The following CLCN4 variants were observed in gnomAD, a reference collection of about 807,000 sequenced individuals.
The protein encoded by CLCN4 is Cl-/H+ antiporter 4.
A neutral mutation model predicts 41.7 loss-of-function variants in CLCN4; 1 was observed. That is an observed-to-expected ratio of 0.02 (90% CI 0.01 to 0.11). The LOEUF (loss-of-function observed/expected upper bound fraction) is 0.11. CLCN4 is among the 10% of genes least tolerant of loss of function. The probability of loss-of-function intolerance (pLI) is 1.00; values close to 1 mark genes in which losing one functional copy is unlikely to be tolerated. For synonymous variants in CLCN4, 277 were observed against 285.8 expected, an observed-to-expected ratio of 0.97 and a Z score of 0.31; for missense variants, 287 against 661.0, an observed-to-expected ratio of 0.43 and a Z score of 6.20.
chrX:10,221,225 C>T (rs984908131), intron 12 of CLCN4, among the ~76,000 whole-genome samples: 5 of 111,531 alleles, frequency 4.5e-5, no homozygotes, highest in African/African-American at 3.3e-5. Flanking sequence ...GTGATGTATG[C>T]GGTCCTCAAA....
chrX:10,194,816 CA>C, intron 4 of CLCN4, 94 bp from the exon 5 acceptor site: 1 of 830,477 alleles, frequency 1.2e-6, no homozygotes, highest in Non-Finnish European at 1.8e-6. Context: ...TCTGGGCCAT[CA>C]TTGCTGATGT....
At chrX:10,174,627 C>T (rs1292423242) in intron 2 of CLCN4, among the ~76,000 whole-genome samples, 1 of 112,002 alleles carries the variant, frequency 8.9e-6, no homozygotes, top group East Asian at 2.8e-4. Flanking sequence ...TGGCAACCTG[C>T]GGAGCCCAGT....
intron 2 of CLCN4, among the ~76,000 whole-genome samples, chrX:10,163,326 A>G (rs992087228): frequency 9.0e-6 from 1 of 110,718 alleles, no homozygotes; most frequent in Non-Finnish European, 1.9e-5. Context: ...CCTTTGTTTA[A>G]CCACATTTTC....
At chrX:10,171,768 C>A (rs933765505) in intron 2 of CLCN4, among the ~76,000 whole-genome samples, 5 of 111,801 alleles carry the variant, frequency 4.5e-5, no homozygotes, top group Admixed American at 3.8e-4. Context: ...GCACGTGCTT[C>A]CAAGAGTCCT....
intron 2 of CLCN4, among the ~76,000 whole-genome samples, chrX:10,169,010 G>T (rs1446258567): frequency 9.0e-5 from 10 of 110,698 alleles, no homozygotes; most frequent in Non-Finnish European, 1.9e-4. Context: ...TTCTGTCACT[G>T]CTTTTAAGAG....
intron 12 of CLCN4, 46 bp downstream of exon 12, chrX:10,220,923 T>C: frequency 9.4e-7 from 1 of 1,064,432 alleles, no homozygotes; most frequent in South Asian, 1.9e-5. Context: ...GAGAAAAAGA[T>C]GAGTGAGACA....
intron 5 of CLCN4, 48 bp downstream of exon 5, chrX:10,195,146 C>T (rs746684587): frequency 4.6e-5 from 51 of 1,102,366 alleles, no homozygotes; most frequent in Middle Eastern, 5.1e-4. Context: ...CCGTTCCATG[C>T]GTGCTTGGGA....
chrX:10,169,048 C>T lies in CLCN4; in HGVS notation c.-12+10497C>T, dbSNP rs1387113038. On this transcript the variant is annotated intron_variant, in intron 2 of 12. Transcript: ENST00000380833. ...CTTCTTTTTCACTTGTTTAACAGTT[C>T]GATTATGCTATGCCTTGGTGTAGTT... Among the ~76,000 whole-genome samples, 10 of 110,596 alleles carry T rather than the reference C, an allele frequency of 9.0e-5. No individual in the cohort carries two copies. In the Admixed American group the frequency reaches 9.7e-4, roughly 11 times the overall value.
chrX:10,161,961 G>A (rs1320521824), intron 2 of CLCN4, among the ~76,000 whole-genome samples: 5 of 108,915 alleles, frequency 4.6e-5, no homozygotes, highest in African/African-American at 1.7e-4. Context: ...ACCCGCTGAC[G>A]GTGTGAGGGT....
intron 6 of CLCN4, among the ~76,000 whole-genome samples, chrX:10,200,283 A>G (rs893990990): frequency 1.8e-5 from 2 of 112,513 alleles, no homozygotes; most frequent in African/African-American, 6.5e-5. Context: ...TTGGCCTCCC[A>G]AAGTGCTAGG....
chrX:10,230,226 A>G (rs908753761), intron 12 of CLCN4, among the ~76,000 whole-genome samples: 1 of 111,027 alleles, frequency 9.0e-6, no homozygotes, highest in Non-Finnish European at 1.9e-5. Flanking sequence ...CACTTTGTTG[A>G]TTGGGAAACC....
intron 12 of CLCN4, among the ~76,000 whole-genome samples, chrX:10,223,618 A>G (rs967011754): frequency 3.6e-5 from 4 of 111,477 alleles, no homozygotes; most frequent in African/African-American, 1.3e-4. Context: ...CACGAGCCTG[A>G]GCTCCACCGC....
chrX:10,189,079 T>G (rs150034706), intron 4 of CLCN4, among the ~76,000 whole-genome samples: 1 of 112,341 alleles, frequency 8.9e-6, no homozygotes, highest in Non-Finnish European at 1.9e-5. Context: ...CGACCAATTT[T>G]GCTTGACTGC....
chrX:10,180,791 AAAAG>A (rs1192032081), intron 2 of CLCN4, among the ~76,000 whole-genome samples: 113 of 102,313 alleles, frequency 1.1e-3, no homozygotes, highest in Admixed American at 3.2e-3. Context: ...AAAAAAAAAA[AAAAG>A]AAAGAAAGAA....
In CLCN4 at chrX:10,206,465, T is replaced by C. The variant is rs145024580; in HGVS notation, c.663T>C (p.Leu221=). The C allele has an allele frequency of 4.9e-5, 59 of 1,208,912 alleles. 1 individual carries two copies. Among genetic ancestry groups the C allele is most frequent in the Non-Finnish European group, 6.6e-5 (59 of 894,732 alleles). The change falls in exon 7 of 13, where the codon CTT becomes CTC. Residue 221 remains leucine (L), a synonymous_variant. Coordinates refer to ENST00000380833, the MANE Select transcript of CLCN4 (RefSeq NM_001830.4). The stretch of plus-strand genomic sequence containing the variant: ...TGGTAGTGTCCTCCGGTCTGAGCCT[T>C]GGGAAGGAAGGGCCGCTAGTGCACG... ...LVLVVSSGLS[L]GKEGPLVHVA... is the part of the protein sequence containing the mutation.
chrX:10,203,806 C>T (rs966357324), intron 6 of CLCN4, among the ~76,000 whole-genome samples: 1 of 111,688 alleles, frequency 9.0e-6, no homozygotes, highest in South Asian at 3.8e-4. Flanking sequence ...ATGAGTGCCA[C>T]GGTTGAGAAC....
At chrX:10,216,897 GTATATATATA>G (rs1555977625) in intron 11 of CLCN4, among the ~76,000 whole-genome samples, 6 of 20,826 alleles carry the variant, frequency 2.9e-4, no homozygotes, top group African/African-American at 9.8e-4. Context: ...GTGTGTGTGT[GTATATATATA>G]TATATATATA....
In CLCN4 at chrX:10,208,189, G is replaced by A. The variant is rs370623253; in HGVS notation, c.988G>A (p.Ala330Thr). ...YVEYHTPWYM[A>T]ELFPFILLGV... ...GGAATACCACACGCCCTGGTACATG[G>A]CTGAACTCTTCCCCTTCATCCTGCT... Residue 330 changes from alanine to threonine, a missense_variant, in exon 9 of 13, where the codon GCT becomes ACT. Ala to Thr is a moderately conservative substitution (Grantham distance 58, BLOSUM62 0). Coordinates refer to ENST00000380833, the MANE Select transcript of CLCN4 (RefSeq NM_001830.4). 5.0e-6 allele frequency: 6 copies of A among 1,209,269 alleles called. No homozygotes were observed. Among genetic ancestry groups the A allele is most frequent in the Non-Finnish European group, 6.7e-6 (6 of 895,146 alleles).
At chrX:10,218,798 A>G (rs1481109787) in intron 11 of CLCN4, among the ~76,000 whole-genome samples, 1 of 112,649 alleles carries the variant, frequency 8.9e-6, no homozygotes. Context: ...CTGTGGGAAC[A>G]GCAAGGTGCA....
Sources: gnomAD v4.1 joint callset for allele counts (sites outside exome capture counted in the v4.1 genomes callset) on GRCh38, gnomAD v4.1.1 for gene constraint, MANE v1.5 for transcripts, NCBI Gene and HGNC (gene_info 2026-07-23, HGNC 2026-07-21) for gene names.